PCDHGA2: variants seen among roughly 807,000 people sequenced by gnomAD.
The protein encoded by PCDHGA2 is protocadherin gamma subfamily A, 2.
Under a neutral mutation model 59.2 loss-of-function variants are expected in PCDHGA2, and 40 were observed. The observed-to-expected ratio is 0.68, with a 90% CI of 0.52 to 0.88. The LOEUF is 0.88. Among genes scored for constraint, PCDHGA2 ranks in the 40% least tolerant of loss-of-function variants. The pLI is 0.00. For missense variants in PCDHGA2, 1,226 were observed against 1,204.0 expected (o/e 1.02, Z -0.27); for synonymous variants, 560 against 526.0 (o/e 1.06, Z -0.89).
chr5:141,385,223 A>G, intron 1 of PCDHGA2: 2 of 1,614,184 alleles, frequency 1.2e-6, no homozygotes, highest in Non-Finnish European at 1.7e-6. Context: ...CAGCCCAACT[A>G]TGTAGACATG....
intron 1 of PCDHGA2, chr5:141,415,272 A>G (rs771588742): frequency 1.3e-5 from 21 of 1,614,208 alleles, no homozygotes; most frequent in African/African-American, 9.3e-5. Context: ...ACCTGGTGGT[A>G]GCGGTGGCCG....
rs764591784 is a variant in PCDHGA2 at position 141,340,279 on chromosome 5, T to G, written c.1308T>G (p.Ala436=). The G allele has an allele frequency of 1.2e-5, 19 of 1,613,998 alleles. No individual in the cohort carries two copies. Among genetic ancestry groups the G allele is most frequent in the Middle Eastern group, 1.6e-4 (1 of 6,084 alleles). Residue 436 remains alanine, a synonymous_variant, in exon 1 of 4, where the codon GCT becomes GCG. Coordinates refer to ENST00000394576, the MANE Select transcript of PCDHGA2 (RefSeq NM_018915.4). ...DGGNPSLSTD[A]HILLQVADIN... is the part of the protein sequence containing the mutation. ...GGAACCCCTCCCTGTCCACGGATGCTCACATTTTGCTCCAGGTGGCAGACA... is the reference window on the plus strand; with the variant it reads ...GGAACCCCTCCCTGTCCACGGATGCGCACATTTTGCTCCAGGTGGCAGACA...
intron 1 of PCDHGA2, among the ~76,000 whole-genome samples, chr5:141,430,347 A>C (rs2097274758): frequency 6.6e-6 from 1 of 151,944 alleles, no homozygotes; most frequent in Non-Finnish European, 1.5e-5. Flanking sequence ...CTTCCAATTC[A>C]TTTAAAAGCT....
chr5:141,352,842 G>A (rs1054767492), intron 1 of PCDHGA2: 4 of 697,160 alleles, frequency 5.7e-6, no homozygotes, highest in Non-Finnish European at 9.4e-6. Flanking sequence ...ACAAAAATTA[G>A]TTGGGTGTGG....
chr5:141,339,617 G>A lies in PCDHGA2; in HGVS notation c.646G>A (p.Asp216Asn), dbSNP rs752154051. 8.1e-6 allele frequency: 13 copies of A among 1,614,116 alleles called. No individual in the cohort carries two copies. Among genetic ancestry groups the A allele is most frequent in the Middle Eastern group, 1.6e-4 (1 of 6,084 alleles). The change falls in exon 1 of 4, where the codon GAT (aspartate) becomes AAT (asparagine). Residue 216 changes from aspartate to asparagine, a missense_variant. Asp to Asn is a conservative substitution (Grantham distance 23). Coordinates refer to ENST00000394576, the MANE Select transcript of PCDHGA2 (RefSeq NM_018915.4). ...TCACCACCTCGTTCTCGTGGCTTCT[G>A]ATGGGGGTGACCCAGTGCTATCTGG... ...AVHHLVLVAS[D>N]GGDPVLSGTS... is the part of the protein sequence containing the mutation.
intron 1 of PCDHGA2, chr5:141,361,129 A>G: frequency 6.2e-7 from 1 of 1,614,024 alleles, no homozygotes; most frequent in Non-Finnish European, 8.5e-7. Context: ...AGCCCACTGC[A>G]GTATCCAAGT....
intron 1 of PCDHGA2, chr5:141,415,379 G>T: frequency 3.7e-6 from 6 of 1,614,250 alleles, no homozygotes; most frequent in Non-Finnish European, 3.4e-6. Flanking sequence ...TCAGGAGGCG[G>T]CTTGACAGGT....
Position 141,412,979 on chromosome 5 carries a change from C to G in PCDHGA2, c.2424+71584C>G, listed in dbSNP as rs2154544283. ...CACCTACTAGGAGAGAAAACGCAGCCAGAGCTCAATCCGGATTCTCAGGGC... is the reference window on the plus strand; with the variant it reads ...CACCTACTAGGAGAGAAAACGCAGCGAGAGCTCAATCCGGATTCTCAGGGC... On this transcript the variant is annotated intron_variant, in intron 1 of 3. Coordinates refer to ENST00000394576, the MANE Select transcript of PCDHGA2 (RefSeq NM_018915.4). 5.5e-6 allele frequency: 3 copies of G among 542,930 alleles called. No individual in the cohort carries two copies. In the East Asian group the frequency reaches 9.2e-5, roughly 17 times the overall value. 33.6% of individuals were successfully genotyped at this position (542,930 alleles called of 1,614,324 possible). A position where few individuals can be genotyped will look rare whatever the true frequency, so the allele number is the denominator to read the frequency against.
At chr5:141,385,880 A>G (rs192436155) in intron 1 of PCDHGA2, 3 of 153,092 alleles carry the variant, frequency 2.0e-5, no homozygotes, top group Admixed American at 1.9e-4. Context: ...ATTTATGCCT[A>G]AAGAATGAAA....
intron 1 of PCDHGA2, among the ~76,000 whole-genome samples, chr5:141,484,675 T>C (rs1179759392): frequency 6.6e-6 from 1 of 152,042 alleles, no homozygotes; most frequent in African/African-American, 2.4e-5. Context: ...GGGCCGCAGG[T>C]TGCTAGGGCT....
intron 1 of PCDHGA2, chr5:141,422,221 A>T (rs1267909650): frequency 1.3e-6 from 2 of 1,565,034 alleles, no homozygotes; most frequent in Admixed American, 4.0e-5. Context: ...CTTTACCACC[A>T]CGACGATGTT....
chr5:141,388,026 G>A, intron 1 of PCDHGA2: 1 of 1,446,900 alleles, frequency 6.9e-7, no homozygotes, highest in South Asian at 1.3e-5. Flanking sequence ...CTCCGTAGTG[G>A]GGAACCTCGC....
chr5:141,455,401 A>G (rs1252870027), intron 1 of PCDHGA2, among the ~76,000 whole-genome samples: 1 of 152,158 alleles, frequency 6.6e-6, no homozygotes, highest in Non-Finnish European at 1.5e-5. Context: ...TCCCCCTTAC[A>G]GAGACAGAGG....
chr5:141,466,984 C>A (rs2099133455), intron 1 of PCDHGA2, among the ~76,000 whole-genome samples: 1 of 151,586 alleles, frequency 6.6e-6, no homozygotes, highest in Non-Finnish European at 1.5e-5. Context: ...CATCATTTAC[C>A]TTTTGGCATT....
At position 141,471,055 on chromosome 5, in the gene PCDHGA2, T is replaced by C. The variant is rs1229791864; in HGVS notation, c.2425-23752T>C. Reference sequence around the variant, plus strand: ...AACAAGCCCAAGCCCTCTTTTTTTTTTTTTTTTTTTTGAGACAGGGTCTCC... The same window carrying C: ...AACAAGCCCAAGCCCTCTTTTTTTTCTTTTTTTTTTTGAGACAGGGTCTCC... On this transcript the variant is annotated intron_variant, in intron 1 of 3. Coordinates refer to ENST00000394576, the MANE Select transcript of PCDHGA2 (RefSeq NM_018915.4). Among the ~76,000 whole-genome samples the C allele has an allele frequency of 1.7e-4, 25 of 148,764 alleles. 2 individuals are homozygous for C. The Admixed American group carries it at 1.7e-3, about 10-fold the overall frequency.
At chr5:141,361,723 C>T (rs1282437481) in intron 1 of PCDHGA2, 3 of 1,613,236 alleles carry the variant, frequency 1.9e-6, no homozygotes, top group Non-Finnish European at 2.5e-6. Context: ...CGCCTTCGAG[C>T]TCACACTGCA....
At chr5:141,384,809 C>T (rs1780535972) in intron 1 of PCDHGA2, 1 of 1,613,250 alleles carries the variant, frequency 6.2e-7, no homozygotes, top group African/African-American at 1.3e-5. Context: ...GACAGAGATG[C>T]CCTCAAGCAG....
chr5:141,453,926 T>C (rs1274875429), intron 1 of PCDHGA2, among the ~76,000 whole-genome samples: 1 of 152,256 alleles, frequency 6.6e-6, no homozygotes, highest in Non-Finnish European at 1.5e-5. Flanking sequence ...GATCAGTCAC[T>C]GTGTGCCTAT....
intron 1 of PCDHGA2, chr5:141,399,680 A>T: frequency 6.2e-7 from 1 of 1,613,514 alleles, no homozygotes; most frequent in Non-Finnish European, 8.5e-7. Context: ...GCCTTTGACT[A>T]CGAGCAGCTG....
Sources: gnomAD v4.1 joint callset for allele counts (sites outside exome capture counted in the v4.1 genomes callset) on GRCh38, gnomAD v4.1.1 for gene constraint, MANE v1.5 for transcripts, NCBI Gene and HGNC (gene_info 2026-07-23, HGNC 2026-07-21) for gene names.